The following TACC2 variants were observed in gnomAD, a reference collection of about 807,000 sequenced individuals.
The protein encoded by TACC2 is transforming acidic coiled-coil containing protein 2.
Under a neutral mutation model 227.3 loss-of-function variants are expected in TACC2, and 137 were observed. The observed-to-expected ratio is 0.60, with a 90% CI of 0.52 to 0.69. The LOEUF is 0.69. Among genes scored for constraint, TACC2 ranks in the 30% least tolerant of loss-of-function variants. The pLI, the probability that TACC2 is intolerant of heterozygous loss-of-function variation, is 0.00. For missense variants in TACC2, 3,470 were observed against 3,694.4 expected (o/e 0.94, Z 1.57); for synonymous variants, 1,523 against 1,487.5 (o/e 1.02, Z -0.55).
intron 7 of TACC2, among the ~76,000 whole-genome samples, chr10:122,146,247 G>A (rs1175317882): frequency 6.6e-6 from 1 of 151,902 alleles, no homozygotes; most frequent in Non-Finnish European, 1.5e-5. Context: ...ATATTGTTGG[G>A]GAGAAACAGC....
intron 3 of TACC2, among the ~76,000 whole-genome samples, chr10:122,064,420 G>A (rs1330862889): frequency 6.6e-6 from 1 of 152,136 alleles, no homozygotes; most frequent in Non-Finnish European, 1.5e-5. Context: ...TATACAGTAA[G>A]TTCTCCCTCA....
At chr10:122,021,360 C>T (rs941931841) in intron 1 of TACC2, among the ~76,000 whole-genome samples, 1 of 152,106 alleles carries the variant, frequency 6.6e-6, no homozygotes, top group Non-Finnish European at 1.5e-5. Flanking sequence ...CTCCCATTTT[C>T]CTTAGCAAGA....
At chr10:122,229,884 T>G (rs2095702898) in intron 15 of TACC2, among the ~76,000 whole-genome samples, 1 of 152,186 alleles carries the variant, frequency 6.6e-6, no homozygotes, top group African/African-American at 2.4e-5. Context: ...CAGTCTTGCA[T>G]CTGGAACCAA....
chr10:122,125,569 A>C (rs906088026), intron 5 of TACC2, among the ~76,000 whole-genome samples: 1 of 152,054 alleles, frequency 6.6e-6, no homozygotes, highest in Admixed American at 6.6e-5. Flanking sequence ...TAGTTTCTTC[A>C]TGGCTAGACC....
intron 1 of TACC2, among the ~76,000 whole-genome samples, chr10:122,017,822 A>AAAAC (rs1956856474): frequency 6.6e-6 from 1 of 150,482 alleles, no homozygotes; most frequent in Non-Finnish European, 1.5e-5. Context: ...CTGTCTCAAA[A>AAAAC]AAAAAAAAAA....
chr10:122,115,721 CTG>C (rs1222139474), intron 5 of TACC2, among the ~76,000 whole-genome samples: 5 of 151,580 alleles, frequency 3.3e-5, no homozygotes, highest in African/African-American at 7.3e-5. Flanking sequence ...TGGGGAGCAC[CTG>C]TGTGTGTGTA....
intron 5 of TACC2, among the ~76,000 whole-genome samples, chr10:122,113,550 G>A (rs976086025): frequency 6.6e-6 from 1 of 152,108 alleles, no homozygotes; most frequent in African/African-American, 2.4e-5. Context: ...TGGGGTCCCC[G>A]CGCGTGGTTG....
In TACC2 at chr10:122,087,887, C is replaced by T. The variant is rs1158306556; in HGVS notation, c.5387C>T (p.Ser1796Leu). 2.0e-6 allele frequency: 3 copies of T among 1,517,628 alleles called. No homozygotes were observed. Among genetic ancestry groups the T allele is most frequent in the South Asian group, 1.3e-5 (1 of 75,164 alleles). 94.0% of individuals were successfully genotyped at this position (1,517,628 alleles called of 1,614,324 possible). The change falls in exon 4 of 23, where the codon TCA becomes TTA. Residue 1796 changes from serine to leucine, a missense_variant. Transcript: ENST00000369005. ...PAGDGKVCVS[S>L]PPEPDETHDP... is the part of the protein sequence containing the mutation. The stretch of plus-strand genomic sequence containing the variant: ...GGGGATGGGAAGGTGTGCGTCTCCT[C>T]ACCTCCAGAGCCTGACGAAACTCAC...
At chr10:122,024,004 T>C (rs1436099336) in intron 2 of TACC2, among the ~76,000 whole-genome samples, 1 of 152,208 alleles carries the variant, frequency 6.6e-6, no homozygotes, top group East Asian at 1.9e-4. Context: ...TATTTTTCTA[T>C]GAAATGTTAA....
Position 122,254,148 on chromosome 10 carries a change from T to C in TACC2, c.*92T>C. ...CCAGTTCCATGGACAGGTTCTGTTT[T>C]CACTTTTTCGTATGCACTACTGTAT... On this transcript the variant is annotated 3_prime_UTR_variant, in exon 23 of 23. Coordinates refer to ENST00000369005, the MANE Select transcript of TACC2 (RefSeq NM_206862.4). The C allele has an allele frequency of 9.0e-7, 1 of 1,116,416 alleles. No individual in the cohort carries two copies. Among genetic ancestry groups the C allele is most frequent in the Non-Finnish European group, 1.4e-6 (1 of 726,456 alleles). The allele number at this position is 1,116,416 out of a possible 1,614,324, so 69.2% of individuals were successfully genotyped here.
At chr10:122,113,569 G>C (rs2084045970) in intron 5 of TACC2, among the ~76,000 whole-genome samples, 1 of 151,990 alleles carries the variant, frequency 6.6e-6, no homozygotes, top group African/African-American at 2.4e-5. Flanking sequence ...TGTGGTTGGC[G>C]CCCGTGACCA....
At chr10:122,078,884 C>T (rs968787721) in intron 3 of TACC2, 22 of 152,158 alleles carry the variant, frequency 1.4e-4, no homozygotes, top group African/African-American at 5.3e-4. Flanking sequence ...GTTGTGTGTC[C>T]CATACTCCAT....
chr10:122,249,211 C>T, intron 21 of TACC2, 55 bp downstream of exon 21: 3 of 1,383,078 alleles, frequency 2.2e-6, no homozygotes, highest in East Asian at 2.4e-5. Context: ...GCCCTTTTAC[C>T]CAGGCAGGCT....
chr10:122,003,877 C>T (rs574380679), intron 1 of TACC2, among the ~76,000 whole-genome samples: 3 of 151,962 alleles, frequency 2.0e-5, no homozygotes, highest in South Asian at 2.1e-4. Context: ...AGGATGGTCT[C>T]GATCTCCTGA....
At chr10:122,022,220 C>T (rs1201564971) in intron 2 of TACC2, 11 of 535,478 alleles carry the variant, frequency 2.1e-5, no homozygotes, top group East Asian at 6.1e-5. Flanking sequence ...TAGTTAAAGC[C>T]GGAAACGCTA....
chr10:122,132,008 C>T (rs544631426), intron 5 of TACC2, among the ~76,000 whole-genome samples: 5 of 140,992 alleles, frequency 3.5e-5, no homozygotes, highest in South Asian at 2.2e-4. Context: ...GGTGACAGAG[C>T]GAGACAGTCT....
At chr10:122,151,073 T>C (rs958734917) in intron 7 of TACC2, among the ~76,000 whole-genome samples, 11 of 152,262 alleles carry the variant, frequency 7.2e-5, no homozygotes, top group Admixed American at 5.2e-4. Flanking sequence ...ACATGAAGAA[T>C]GTAGCTCAGT....
At chr10:122,175,424 C>G (rs971817935) in intron 7 of TACC2, among the ~76,000 whole-genome samples, 2 of 152,182 alleles carry the variant, frequency 1.3e-5, no homozygotes, top group Non-Finnish European at 2.9e-5. Context: ...AAGGAAACCC[C>G]TTCATTCCCG....
At chr10:122,214,695 G>A (rs1020812945) in intron 9 of TACC2, among the ~76,000 whole-genome samples, 1 of 152,156 alleles carries the variant, frequency 6.6e-6, no homozygotes, top group Non-Finnish European at 1.5e-5. Context: ...AGTCTGATTT[G>A]GTGGTTTCCT....
Sources: gnomAD v4.1 joint callset for allele counts (sites outside exome capture counted in the v4.1 genomes callset) on GRCh38, gnomAD v4.1.1 for gene constraint, MANE v1.5 for transcripts, NCBI Gene and HGNC (gene_info 2026-07-23, HGNC 2026-07-21) for gene names.